ADGRV1: variants seen among roughly 807,000 people sequenced by gnomAD.
The protein encoded by ADGRV1 is G-protein coupled receptor 98.
A neutral mutation model predicts 596.2 loss-of-function variants in ADGRV1; 359 were observed. The observed-to-expected ratio is 0.60, with a 90% CI of 0.55 to 0.66. ADGRV1 has a LOEUF of 0.66. Among genes scored for constraint, ADGRV1 ranks in the 30% least tolerant of loss-of-function variants. The pLI is 0.00. For synonymous variants in ADGRV1, 2,681 were observed against 2,679.2 expected (o/e 1.00, Z -0.02); for missense variants, 7,274 against 7,575.6 (o/e 0.96, Z 1.48).
rs1764249568 is a variant in ADGRV1, at chr5:90,828,477, A to G, written c.16369-467A>G. Among the ~76,000 whole-genome samples, 4 of 152,164 alleles carry G rather than the reference A, an allele frequency of 2.6e-5. No individual in the cohort carries two copies. The South Asian group carries it at 8.3e-4, about 31-fold the overall frequency. ...TTTACATAAATATGTATCTATTAAT[A>G]AAATATAGTAAGCTTTATGTAGTTT... On this transcript the variant is annotated intron_variant, in intron 76 of 89. Transcript: ENST00000405460.
chr5:90,564,625 A>T (rs202185232), intron 1 of ADGRV1, among the ~76,000 whole-genome samples: 350 of 33,580 alleles, frequency 0.01, 76 homozygotes, highest in African/African-American at 0.012. Context: ...ATATATATAT[A>T]TTTTTTTTTT....
chr5:90,690,716 C>T (rs913844597), intron 30 of ADGRV1, 81 bp from the exon 31 acceptor site: 1 of 1,341,056 alleles, frequency 7.5e-7, no homozygotes, highest in African/African-American at 1.4e-5. Context: ...GAAGAGAATC[C>T]ACTATAGGAT....
intron 9 of ADGRV1, chr5:90,629,913 T>C (rs991906865): frequency 6.2e-6 from 1 of 160,898 alleles, no homozygotes; most frequent in African/African-American, 2.4e-5. Context: ...AAATATGACA[T>C]AGGAATAGGA....
chr5:91,066,760 A>G (rs1562170028), intron 85 of ADGRV1, among the ~76,000 whole-genome samples: 1 of 152,220 alleles, frequency 6.6e-6, no homozygotes, highest in Admixed American at 6.5e-5. Context: ...CCTAAGAGGT[A>G]GTACACAAGG....
intron 60 of ADGRV1, among the ~76,000 whole-genome samples, chr5:90,775,641 T>G (rs1284279235): frequency 2.0e-5 from 3 of 152,084 alleles, no homozygotes; most frequent in Non-Finnish European, 2.9e-5. Flanking sequence ...TATGCCCAGT[T>G]AATTTATTTT....
At chr5:90,646,744 T>C (rs1767829741) in intron 16 of ADGRV1, among the ~76,000 whole-genome samples, 1 of 151,796 alleles carries the variant, frequency 6.6e-6, no homozygotes, top group Non-Finnish European at 1.5e-5. Flanking sequence ...GCCTTTTGTA[T>C]TTTATTGATT....
At position 90,823,610 on chromosome 5, in the gene ADGRV1, A is replaced by G. The variant is rs552560100; in HGVS notation, c.16368+14A>G. ...AAACCAGAAAAGGTAAGAAATGAAGAGACACACTAGTGTCAACTTCTAATT... is the reference window on the plus strand; with the variant it reads ...AAACCAGAAAAGGTAAGAAATGAAGGGACACACTAGTGTCAACTTCTAATT... On this transcript the variant is annotated intron_variant, in intron 76 of 89. Transcript: ENST00000405460. The G allele has an allele frequency of 2.4e-5, 39 of 1,604,950 alleles. No homozygotes were observed. The highest frequency in any genetic ancestry group is 3.2e-5 in the Non-Finnish European group (37 of 1,172,448).
chr5:90,631,582 G>T (rs1221390581), intron 9 of ADGRV1, among the ~76,000 whole-genome samples: 6 of 152,006 alleles, frequency 3.9e-5, no homozygotes, highest in Non-Finnish European at 7.4e-5. Context: ...TCCTCCAAGC[G>T]GGAAAATTTT....
Position 90,617,837 on chromosome 5 carries a change from A to C in ADGRV1, c.241A>C (p.Thr81Pro), listed in dbSNP as rs774323202. 2.5e-6 allele frequency: 4 copies of C among 1,599,246 alleles called. No individual in the cohort carries two copies. The highest frequency in any genetic ancestry group is 2.6e-6 in the Non-Finnish European group (3 of 1,172,046). Residue 81 changes from threonine to proline, a missense_variant, in exon 3 of 90, where the codon ACA becomes CCA. By Grantham distance (38) the Thr-to-Pro change is conservative. Coordinates refer to ENST00000405460, the MANE Select transcript of ADGRV1 (RefSeq NM_032119.4). ...AGAGGACGCTGGTGACTTTTTTGAC[A>C]CATATGCTGCAGCTTTTATACCTGC... Reference protein sequence around the residue: ...YGEDAGDFFDTYAAAFIPAGE... With the variant: ...YGEDAGDFFDPYAAAFIPAGE...
intron 85 of ADGRV1, among the ~76,000 whole-genome samples, chr5:91,028,109 T>C (rs1161297309): frequency 6.6e-6 from 1 of 151,734 alleles, no homozygotes; most frequent in African/African-American, 2.4e-5. Flanking sequence ...TTGTTTCTTA[T>C]AAAAGAAGTA....
chr5:91,131,166 C>A (rs1243003902), intron 87 of ADGRV1, among the ~76,000 whole-genome samples: 1 of 152,180 alleles, frequency 6.6e-6, no homozygotes, highest in Non-Finnish European at 1.5e-5. Flanking sequence ...AATAATAATT[C>A]TATTTTTGGT....
chr5:91,057,001 C>G (rs1786938457), intron 85 of ADGRV1, among the ~76,000 whole-genome samples: 1 of 152,174 alleles, frequency 6.6e-6, no homozygotes, highest in Non-Finnish European at 1.5e-5. Context: ...TATAATATAA[C>G]CACATTTATT....
At chr5:90,977,112 C>T (rs555527125) in intron 84 of ADGRV1, among the ~76,000 whole-genome samples, 74 of 152,226 alleles carry the variant, frequency 4.9e-4, no homozygotes, top group African/African-American at 1.6e-3. Flanking sequence ...TCTCGTTCAT[C>T]GTTGATTTAA....
At position 90,802,853 on chromosome 5, in the gene ADGRV1, C is replaced by T. The variant is rs201072069; in HGVS notation, c.14632C>T (p.Pro4878Ser). ...TCAGGAAGCAAAATCTGCTGTCCTT[C>T]CAGTCTCTGAGAAAGCTGCCAATTC... ...ILQEAKSAVL[P>S]VSEKAANSQV... The change falls in exon 71 of 90, where the codon CCA (proline) becomes TCA (serine). Residue 4878 changes from proline (P) to serine (S), a missense_variant. Pro to Ser is a moderately conservative substitution (Grantham distance 74). Coordinates refer to ENST00000405460, the MANE Select transcript of ADGRV1 (RefSeq NM_032119.4). 114 of 1,609,234 alleles carry T rather than the reference C, an allele frequency of 7.1e-5. No homozygotes were observed. The African/African-American group carries it at 1.4e-3, about 19-fold the overall frequency.
intron 89 of ADGRV1, among the ~76,000 whole-genome samples, chr5:91,155,923 A>G (rs970985754): frequency 2.0e-5 from 3 of 152,212 alleles, no homozygotes; most frequent in African/African-American, 7.2e-5. Context: ...TCAAATCTGG[A>G]GAGTGGAAAT....
intron 85 of ADGRV1, among the ~76,000 whole-genome samples, chr5:91,046,766 A>G (rs1191683793): frequency 6.6e-6 from 1 of 152,206 alleles, no homozygotes; most frequent in East Asian, 1.9e-4. Context: ...CCATCTATAC[A>G]TCTCACCAAG....
chr5:90,640,378 T>A lies in ADGRV1; in HGVS notation c.2241-2258T>A, dbSNP rs566806138. On this transcript the variant is annotated intron_variant, in intron 11 of 89. Coordinates refer to ENST00000405460, the MANE Select transcript of ADGRV1 (RefSeq NM_032119.4). ...TTTCTCTAGTTACACAGTTTTGTTTTTTCTAACTCAAAGAACAACTGGCTT... is the reference window on the plus strand; with the variant it reads ...TTTCTCTAGTTACACAGTTTTGTTTATTCTAACTCAAAGAACAACTGGCTT... Among the ~76,000 whole-genome samples, 3 of 152,340 alleles carry A rather than the reference T, an allele frequency of 2.0e-5. No individual in the cohort carries two copies. The South Asian group carries it at 6.2e-4, about 32-fold the overall frequency.
At chr5:90,762,618 G>A (rs751855499) in intron 58 of ADGRV1, 1 of 152,036 alleles carries the variant, frequency 6.6e-6, no homozygotes, top group Non-Finnish European at 1.5e-5. Context: ...GGACTTGTAT[G>A]CAAAATAAAT....
At chr5:90,826,518 G>A (rs1485974411) in intron 76 of ADGRV1, among the ~76,000 whole-genome samples, 1 of 152,136 alleles carries the variant, frequency 6.6e-6, no homozygotes, top group African/African-American at 2.4e-5. Context: ...AGGTTTAACG[G>A]GGTTAATAAC....
Sources: gnomAD v4.1 joint callset for allele counts (sites outside exome capture counted in the v4.1 genomes callset) on GRCh38, gnomAD v4.1.1 for gene constraint, MANE v1.5 for transcripts, NCBI Gene and HGNC (gene_info 2026-07-23, HGNC 2026-07-21) for gene names.